Variants in PARD3 observed in about 807,000 individuals in gnomAD.
The protein encoded by PARD3 is partitioning defective 3 homolog.
Under a neutral mutation model 155.4 loss-of-function variants are expected in PARD3, and 75 were observed. The ratio of observed to expected loss-of-function variants is 0.48; its 90% CI spans 0.40 to 0.58. The LOEUF is 0.58. PARD3 is among the 20% of genes least tolerant of loss of function. PARD3 has a pLI of 0.00. For synonymous variants in PARD3, 576 were observed against 610.5 expected, an observed-to-expected ratio of 0.94 and a Z score of 0.83; for missense variants, 1,642 against 1,721.7, an observed-to-expected ratio of 0.95 and a Z score of 0.82.
chr10:34,784,902 C>T (rs1467773872), intron 1 of PARD3, among the ~76,000 whole-genome samples: 1 of 152,036 alleles, frequency 6.6e-6, no homozygotes, highest in African/African-American at 2.4e-5. Flanking sequence ...AGTCATTTTT[C>T]TAGCATTCAT....
chr10:34,415,747 C>T (rs1379892517), intron 5 of PARD3, among the ~76,000 whole-genome samples: 2 of 152,108 alleles, frequency 1.3e-5, no homozygotes, highest in Non-Finnish European at 2.9e-5. Context: ...GTATAGGTGG[C>T]ATTGCACCCC....
rs529154794 is a variant in PARD3, at chr10:34,768,169, C to T, written c.120+46707G>A. Among the ~76,000 whole-genome samples, 7 of 152,252 alleles carry T rather than the reference C, an allele frequency of 4.6e-5. No homozygotes were observed. In the South Asian group the frequency reaches 1.2e-3, roughly 27 times the overall value. The stretch of plus-strand genomic sequence containing the variant: ...AACTCCAAAAATCTGAGACAGATCT[C>T]GGTCAATTTAGGAAGTTTATTTTGT... On this transcript the variant is annotated intron_variant, in intron 1 of 24. Transcript: ENST00000374788.
At chr10:34,729,584 TG>T (rs1199311621) in intron 1 of PARD3, among the ~76,000 whole-genome samples, 1 of 151,542 alleles carries the variant, frequency 6.6e-6, no homozygotes, top group East Asian at 1.9e-4. Flanking sequence ...AGGATTGTTG[TG>T]AGAATTTGAA....
At chr10:34,359,627 G>C (rs1272183670) in intron 13 of PARD3, among the ~76,000 whole-genome samples, 2 of 152,148 alleles carry the variant, frequency 1.3e-5, no homozygotes, top group Non-Finnish European at 1.5e-5. Context: ...ACCCATAGAG[G>C]TTATTTAGAA....
chr10:34,252,769 T>TAA (rs1954400795), intron 22 of PARD3, among the ~76,000 whole-genome samples: 1 of 152,060 alleles, frequency 6.6e-6, no homozygotes, highest in South Asian at 2.1e-4. Context: ...TATATATATA[T>TAA]ATATGCATAG....
At chr10:34,229,790 T>C (rs184075907) in intron 22 of PARD3, among the ~76,000 whole-genome samples, 2 of 152,128 alleles carry the variant, frequency 1.3e-5, no homozygotes, top group East Asian at 3.9e-4. Context: ...TACTGGGCAA[T>C]GAATGAACAA....
chr10:34,473,846 G>A (rs983008741), intron 3 of PARD3, among the ~76,000 whole-genome samples: 7 of 152,206 alleles, frequency 4.6e-5, no homozygotes, highest in African/African-American at 1.7e-4. Flanking sequence ...GTATAAATAT[G>A]ATTGCAAAAC....
At chr10:34,247,049 T>A (rs531970064) in intron 22 of PARD3, among the ~76,000 whole-genome samples, 4 of 151,622 alleles carry the variant, frequency 2.6e-5, no homozygotes, top group African/African-American at 7.3e-5. Context: ...ACACTCCAAC[T>A]TGGGTATCAG....
At chr10:34,179,168 G>GCGCA (rs754519425) in intron 22 of PARD3, among the ~76,000 whole-genome samples, 7 of 94,536 alleles carry the variant, frequency 7.4e-5, no homozygotes, top group South Asian at 5.8e-4. Context: ...GTGCGTGCGC[G>GCGCA]CACACACACA....
chr10:34,198,656 A>T (rs1286348976), intron 22 of PARD3, among the ~76,000 whole-genome samples: 1 of 152,110 alleles, frequency 6.6e-6, no homozygotes, highest in Non-Finnish European at 1.5e-5. Flanking sequence ...TTTGATAGAA[A>T]ATTTTCACTA....
intron 1 of PARD3, among the ~76,000 whole-genome samples, chr10:34,808,812 TACC>T (rs972520370): frequency 6.6e-6 from 1 of 152,202 alleles, no homozygotes; most frequent in African/African-American, 2.4e-5. Flanking sequence ...TATCCATGTC[TACC>T]ACAAGCCAAG....
At chr10:34,142,007 T>C (rs1948212967) in intron 22 of PARD3, among the ~76,000 whole-genome samples, 1 of 152,120 alleles carries the variant, frequency 6.6e-6, no homozygotes, top group Non-Finnish European at 1.5e-5. Flanking sequence ...AAGGTTTTGG[T>C]TTAAGAAACC....
chr10:34,348,231 C>A, intron 14 of PARD3, 116 bp from the exon 15 acceptor site: 1 of 841,752 alleles, frequency 1.2e-6, no homozygotes, highest in Non-Finnish European at 1.7e-6. Context: ...ACCAAATGAA[C>A]TAGAACTTTT....
At chr10:34,632,562 A>T (rs2092313900) in intron 2 of PARD3, among the ~76,000 whole-genome samples, 1 of 152,240 alleles carries the variant, frequency 6.6e-6, no homozygotes, top group Non-Finnish European at 1.5e-5. Flanking sequence ...GTAAACACAG[A>T]TAATACTGCC....
chr10:34,432,337 T>TACACACACACACACAC (rs71917947), intron 5 of PARD3, among the ~76,000 whole-genome samples: 20 of 143,562 alleles, frequency 1.4e-4, no homozygotes, highest in South Asian at 4.7e-4. Flanking sequence ...CACGTGCACA[T>TACACACACACACACAC]ACACACACAC....
In PARD3 at chr10:34,348,047, T is replaced by A. The variant is rs1278328507; in HGVS notation, c.2136A>T (p.Arg712=). ...PIETALDDRE[R]RISHSLYSGI... The stretch of plus-strand genomic sequence containing the variant: ...CACTGTAGAGGGAATGGGAAATTCT[T>A]CGTTCTCTATCATCCAACGCTGTTT... The change falls in exon 15 of 25, where the codon CGA becomes CGT. Residue 712 remains arginine, a synonymous_variant. Coordinates refer to ENST00000374788, the MANE Select transcript of PARD3 (RefSeq NM_001184785.2). 1.9e-6 allele frequency: 3 copies of A among 1,613,276 alleles called. No homozygotes were observed. Among genetic ancestry groups the A allele is most frequent in the African/African-American group, 1.3e-5 (1 of 74,902 alleles).
chr10:34,665,495 G>A (rs906580418), intron 2 of PARD3, among the ~76,000 whole-genome samples: 1 of 152,012 alleles, frequency 6.6e-6, no homozygotes, highest in South Asian at 2.1e-4. Flanking sequence ...ACTCCAGCCT[G>A]GGCAACAAGA....
intron 2 of PARD3, among the ~76,000 whole-genome samples, chr10:34,552,726 A>C (rs962391210): frequency 3.3e-5 from 5 of 152,152 alleles, no homozygotes; most frequent in Non-Finnish European, 7.3e-5. Flanking sequence ...AAAAAAAAAA[A>C]AAATCTAAAT....
At chr10:34,301,676 T>C (rs1403215676) in intron 20 of PARD3, among the ~76,000 whole-genome samples, 1 of 152,144 alleles carries the variant, frequency 6.6e-6, no homozygotes, top group Non-Finnish European at 1.5e-5. Flanking sequence ...CAGGTAGACA[T>C]ATCACAGGCT....
Sources: gnomAD v4.1 joint callset for allele counts (sites outside exome capture counted in the v4.1 genomes callset) on GRCh38, gnomAD v4.1.1 for gene constraint, MANE v1.5 for transcripts, NCBI Gene and HGNC (gene_info 2026-07-23, HGNC 2026-07-21) for gene names.